SULT1E1: variants seen among roughly 807,000 people sequenced by gnomAD.
The protein encoded by SULT1E1 is sulfotransferase family 1E member 1, also known as sulfotransferase 1E1.
A neutral mutation model predicts 33.6 loss-of-function variants in SULT1E1; 36 were observed. That is an observed-to-expected ratio of 1.07 (90% CI 0.82 to 1.41). SULT1E1 has a LOEUF of 1.41. Among genes scored for constraint, SULT1E1 ranks in the 40% most tolerant of loss-of-function variants. The probability of loss-of-function intolerance (pLI) is 0.00; values close to 1 mark genes in which losing one functional copy is unlikely to be tolerated. For missense variants in SULT1E1, 371 were observed against 345.7 expected, an observed-to-expected ratio of 1.07 and a Z score of -0.58; for synonymous variants, 121 against 111.7, an observed-to-expected ratio of 1.08 and a Z score of -0.53.
intron 5 of SULT1E1, among the ~76,000 whole-genome samples, chr4:69,848,361 G>A (rs1269719158): frequency 6.6e-6 from 1 of 151,700 alleles, no homozygotes. Context: ...ATAACCAAAT[G>A]CTGTCTCTTC....
chr4:69,824,148 C>T, the SULT1E1 span, among the ~76,000 whole-genome samples: 1 of 152,174 alleles, frequency 6.6e-6, no homozygotes, highest in Admixed American at 6.5e-5. Flanking sequence ...CAAAGTTACA[C>T]CTGAGTGCGG....
At position 69,855,449 on chromosome 4, in the gene SULT1E1, A is replaced by C. The variant is rs766161730; in HGVS notation, c.146-23T>G. 3 of 1,599,820 alleles carry C rather than the reference A, an allele frequency of 1.9e-6. No homozygotes were observed. The East Asian group carries it at 6.7e-5, about 36-fold the overall frequency. ...TACCTGTAAAAATTAAATAAACCTG[A>C]GTCTCCTGCTGACCCTGTAGAGTTG... On this transcript the variant is annotated intron_variant, in intron 2 of 7. Transcript: ENST00000226444.
chr4:69,855,233 G>T, intron 3 of SULT1E1, 68 bp downstream of exon 3: 3 of 1,490,102 alleles, frequency 2.0e-6, no homozygotes, highest in African/African-American at 1.4e-5. Context: ...TAATCTCATT[G>T]CTTGTACCAT....
chr4:69,849,664 A>G, intron 4 of SULT1E1, 101 bp from the exon 5 acceptor site: 1 of 1,073,184 alleles, frequency 9.3e-7, no homozygotes, highest in Non-Finnish European at 1.3e-6. Flanking sequence ...TATAAACATA[A>G]TACACATTAA....
chr4:69,834,280 A>G, the SULT1E1 span, among the ~76,000 whole-genome samples: 1 of 152,196 alleles, frequency 6.6e-6, no homozygotes. Flanking sequence ...AATTTGACAC[A>G]TTCAAAATTG....
At chr4:69,856,314 T>C (rs1488974636) in intron 2 of SULT1E1, among the ~76,000 whole-genome samples, 3 of 152,134 alleles carry the variant, frequency 2.0e-5, no homozygotes, top group Admixed American at 1.3e-4. Flanking sequence ...ATAAAAATCA[T>C]GAAAAGGTAC....
chr4:69,838,873 A>G (rs1010697642), downstream of SULT1E1, among the ~76,000 whole-genome samples: 7 of 152,216 alleles, frequency 4.6e-5, no homozygotes, highest in Non-Finnish European at 2.9e-5. Flanking sequence ...AAGTCCCAAT[A>G]TGGATCTCAC....
At chr4:69,822,416 G>C in the SULT1E1 span, among the ~76,000 whole-genome samples, 4 of 151,992 alleles carry the variant, frequency 2.6e-5, no homozygotes, top group African/African-American at 9.7e-5. Context: ...AGACCAGCCT[G>C]GGCAGCATAG....
chr4:69,826,484 G>A, the SULT1E1 span, among the ~76,000 whole-genome samples: 11 of 152,232 alleles, frequency 7.2e-5, no homozygotes, highest in East Asian at 5.8e-4. Context: ...CAACTATTCC[G>A]ATCAGCAGGG....
the SULT1E1 span, among the ~76,000 whole-genome samples, chr4:69,827,828 G>A: frequency 3.9e-5 from 6 of 152,182 alleles, no homozygotes; most frequent in Admixed American, 3.9e-4. Flanking sequence ...AGAAAATGGA[G>A]CAGGCCAATT....
the SULT1E1 span, among the ~76,000 whole-genome samples, chr4:69,825,046 C>T: frequency 6.6e-6 from 1 of 152,144 alleles, no homozygotes; most frequent in Non-Finnish European, 1.5e-5. Context: ...CGCTAACCCA[C>T]CAGGAGGAAC....
At chr4:69,823,196 A>T in the SULT1E1 span, among the ~76,000 whole-genome samples, 1 of 152,178 alleles carries the variant, frequency 6.6e-6, no homozygotes, top group Non-Finnish European at 1.5e-5. Context: ...TGTGAAAACT[A>T]ATGTACAGAA....
intron 1 of SULT1E1, among the ~76,000 whole-genome samples, chr4:69,859,116 T>C (rs774917809): frequency 1.3e-5 from 2 of 152,138 alleles, no homozygotes; most frequent in Non-Finnish European, 2.9e-5. Flanking sequence ...CAGTTAGAAA[T>C]TGTCAATTTT....
downstream of SULT1E1, chr4:69,838,311 T>G (rs778934524): frequency 6.6e-6 from 1 of 152,178 alleles, no homozygotes; most frequent in Non-Finnish European, 1.5e-5. Flanking sequence ...TTTATTCTGT[T>G]TACTTTAAGC....
intron 6 of SULT1E1, among the ~76,000 whole-genome samples, chr4:69,846,551 A>C (rs895787651): frequency 2.6e-5 from 4 of 151,420 alleles, no homozygotes; most frequent in Admixed American, 2.0e-4. Flanking sequence ...CAATTTTTGC[A>C]GTTATTAAGA....
chr4:69,848,174 G>A (rs1358557461), intron 5 of SULT1E1, among the ~76,000 whole-genome samples: 1 of 151,382 alleles, frequency 6.6e-6, no homozygotes, highest in Non-Finnish European at 1.5e-5. Flanking sequence ...TGGTCTGATA[G>A]TCATAAGAAT....
At chr4:69,830,032 A>G in the SULT1E1 span, among the ~76,000 whole-genome samples, 1 of 152,070 alleles carries the variant, frequency 6.6e-6, no homozygotes, top group African/African-American at 2.4e-5. Context: ...GGCCCAGACC[A>G]TTCTCCTTGT....
In SULT1E1 at chr4:69,857,550, G is replaced by A. The variant is rs34547148; in HGVS notation, c.95C>T (p.Ala32Val). The A allele has an allele frequency of 3.3e-5, 53 of 1,612,986 alleles. No individual in the cohort carries two copies. Among genetic ancestry groups the A allele is most frequent in the Non-Finnish European group, 4.1e-5 (48 of 1,179,678 alleles). Residue 32 changes from alanine to valine, a missense_variant, in exon 2 of 8, where the codon GCG (alanine) becomes GTG (valine). Transcript: ENST00000226444. ...AAGATCATCTGGTCTTGCCTGGAAC[G>A]CTTCCACATTATCCCAATATTTGAC... ...DFVKYWDNVE[A>V]FQARPDDLVI... is the part of the protein sequence containing the mutation.
chr4:69,850,055 C>A (rs1452127083), intron 4 of SULT1E1, among the ~76,000 whole-genome samples: 1 of 151,784 alleles, frequency 6.6e-6, no homozygotes, highest in Non-Finnish European at 1.5e-5. Flanking sequence ...TCTTCACTTT[C>A]AATATTACAG....
Sources: allele counts gnomAD v4.1 joint callset (sites outside exome capture counted in the v4.1 genomes callset), GRCh38; gene constraint gnomAD v4.1.1; transcripts MANE v1.5; gene names NCBI Gene and HGNC (gene_info 2026-07-23, HGNC 2026-07-21).